FRY: variants seen among roughly 807,000 people sequenced by gnomAD.
FRY encodes protein furry homolog.
FRY carries 128 observed loss-of-function variants against 348.4 expected under a neutral mutation model. The ratio of observed to expected loss-of-function variants is 0.37; its 90% confidence interval spans 0.32 to 0.43. The LOEUF (loss-of-function observed/expected upper bound fraction) is 0.43. FRY is among the 20% of genes least tolerant of loss of function. The probability of loss-of-function intolerance (pLI) is 1.00; values close to 1 mark genes in which losing one functional copy is unlikely to be tolerated. For missense variants in FRY, 2,736 were observed against 3,695.2 expected, an observed-to-expected ratio of 0.74 and a Z score of 6.73; for synonymous variants, 1,370 against 1,374.7, an observed-to-expected ratio of 1.00 and a Z score of 0.08.
chr13:32,112,616 C>T (rs1023276694), intron 3 of FRY, among the ~76,000 whole-genome samples: 66 of 152,290 alleles, frequency 4.3e-4, no homozygotes, highest in African/African-American at 1.4e-3. Flanking sequence ...GTGTCATATC[C>T]GTGAATTGCA....
chr13:32,172,883 G>A (rs569964350), intron 18 of FRY, among the ~76,000 whole-genome samples: 1 of 152,344 alleles, frequency 6.6e-6, no homozygotes, highest in South Asian at 2.1e-4. Context: ...CTTGGTTGGG[G>A]ATTGGGAACT....
At chr13:32,037,323 G>A (rs1187722267) in intron 1 of FRY, among the ~76,000 whole-genome samples, 1 of 152,166 alleles carries the variant, frequency 6.6e-6, no homozygotes, top group African/African-American at 2.4e-5. Context: ...ACTTTAGAAT[G>A]GTAGTTTGCT....
intron 1 of FRY, among the ~76,000 whole-genome samples, chr13:32,063,563 C>G (rs146939666): frequency 0.026 from 3,997 of 152,276 alleles, 61 homozygotes; most frequent in Middle Eastern, 0.068. Flanking sequence ...CAGTGCTTCC[C>G]TCCTCACTGT....
intron 55 of FRY, among the ~76,000 whole-genome samples, chr13:32,268,499 AAAAAAAATATAT>A (rs1342461108): frequency 6.5e-3 from 104 of 15,972 alleles, no homozygotes; most frequent in Middle Eastern, 0.045. Flanking sequence ...AAAAAAAAAA[AAAAAAAATATAT>A]ATATATATAT....
chr13:32,294,628 C>CT, intron 60 of FRY, 58 bp downstream of exon 60: 1 of 1,315,694 alleles, frequency 7.6e-7, no homozygotes, highest in South Asian at 1.2e-5. Context: ...GGTTGTTACT[C>CT]TGTCATGGTT....
At chr13:32,290,777 G>A (rs1889301177) in intron 59 of FRY, among the ~76,000 whole-genome samples, 1 of 151,642 alleles carries the variant, frequency 6.6e-6, no homozygotes, top group Non-Finnish European at 1.5e-5. Context: ...AGAGGAGGAA[G>A]GAAATGTGAG....
intron 1 of FRY, among the ~76,000 whole-genome samples, chr13:32,035,838 GT>G (rs1872485481): frequency 6.6e-6 from 1 of 152,212 alleles, no homozygotes; most frequent in African/African-American, 2.4e-5. Context: ...CAGTAGGAAG[GT>G]GTTGGTGTGC....
At position 32,179,689 on chromosome 13, in the gene FRY, A is replaced by G; in HGVS notation, c.2886A>G (p.Pro962=). The G allele has an allele frequency of 6.2e-7, 1 of 1,614,036 alleles. No homozygotes were observed. Reference sequence around the variant, plus strand: ...ACTTATTTCAGGCCATAGGCACCCCATCGGTGGGAGTTCTGTTAAAGCAGT... The same window carrying G: ...ACTTATTTCAGGCCATAGGCACCCCGTCGGTGGGAGTTCTGTTAAAGCAGT... ...VSYDNKAIGT[P]SVGVLLKQLV... is the part of the protein sequence containing the mutation. The change falls in exon 23 of 61, where the codon CCA becomes CCG. Residue 962 remains proline, a synonymous_variant. Coordinates refer to ENST00000542859, the MANE Select transcript of FRY (RefSeq NM_023037.3).
At chr13:32,233,093 T>C (rs1317881526) in intron 41 of FRY, among the ~76,000 whole-genome samples, 1 of 152,176 alleles carries the variant, frequency 6.6e-6, no homozygotes, top group African/African-American at 2.4e-5. Context: ...ATTCATAAGA[T>C]ACGAGCAGCC....
intron 1 of FRY, among the ~76,000 whole-genome samples, chr13:32,062,260 G>A (rs998893189): frequency 6.6e-6 from 1 of 151,482 alleles, no homozygotes; most frequent in African/African-American, 2.4e-5. Flanking sequence ...TTTGGAAAAG[G>A]TTGCATCATT....
chr13:32,238,572 C>T (rs978089079), intron 44 of FRY, among the ~76,000 whole-genome samples: 3 of 152,116 alleles, frequency 2.0e-5, no homozygotes, highest in Non-Finnish European at 4.4e-5. Context: ...CTGCCTCAGC[C>T]TCCGGAGTAG....
At chr13:32,095,744 A>G (rs1287654020) in intron 2 of FRY, among the ~76,000 whole-genome samples, 1 of 152,134 alleles carries the variant, frequency 6.6e-6, no homozygotes, top group Non-Finnish European at 1.5e-5. Context: ...GCCCAGACCA[A>G]TGTCCTGGAG....
intron 4 of FRY, among the ~76,000 whole-genome samples, chr13:32,123,398 C>G (rs1445596012): frequency 1.3e-5 from 2 of 152,354 alleles, no homozygotes; most frequent in East Asian, 3.9e-4. Flanking sequence ...TTACTCTTCT[C>G]TCTCACCACC....
Position 32,078,955 on chromosome 13 carries a change from A to C in FRY, c.192A>C (p.Glu64Asp), listed in dbSNP as rs770385742. The stretch of plus-strand genomic sequence containing the variant: ...TGGACCCAGACAGTAAACCAGGAGA[A>C]TATGTCCTCAAAAGTTTATTTGTCA... The part of the protein sequence containing the change: ...INVDPDSKPG[E>D]YVLKSLFVNF... The change falls in exon 2 of 61, where the codon GAA becomes GAC. Residue 64 changes from glutamate to aspartate, a missense_variant. Physicochemically the swap from Glu to Asp is conservative, Grantham distance 45 (BLOSUM62 2). Coordinates refer to ENST00000542859, the MANE Select transcript of FRY (RefSeq NM_023037.3). The C allele has an allele frequency of 6.2e-7, 1 of 1,613,902 alleles. No homozygotes were observed. Among genetic ancestry groups the C allele is most frequent in the Admixed American group, 1.7e-5 (1 of 60,024 alleles).
chr13:32,268,206 A>G (rs549888956), intron 55 of FRY, among the ~76,000 whole-genome samples: 1 of 152,168 alleles, frequency 6.6e-6, no homozygotes, highest in Non-Finnish European at 1.5e-5. Flanking sequence ...TCCTCTATGC[A>G]TCTTTCTGTA....
At chr13:32,214,278 C>T (rs1394517337) in intron 35 of FRY, among the ~76,000 whole-genome samples, 1 of 152,178 alleles carries the variant, frequency 6.6e-6, no homozygotes, top group Non-Finnish European at 1.5e-5. Flanking sequence ...TACAGACACA[C>T]TTAACCACCA....
At chr13:32,210,392 A>T (rs1450361831) in intron 33 of FRY, among the ~76,000 whole-genome samples, 1 of 152,218 alleles carries the variant, frequency 6.6e-6, no homozygotes, top group African/African-American at 2.4e-5. Context: ...TGAGGCCTGC[A>T]ATAATGTGGA....
intron 36 of FRY, among the ~76,000 whole-genome samples, chr13:32,221,901 T>C (rs1051009108): frequency 2.0e-5 from 3 of 152,012 alleles, no homozygotes; most frequent in Non-Finnish European, 4.4e-5. Flanking sequence ...CCATTGTAGG[T>C]AGTAGGGAGA....
At chr13:32,143,862 C>G (rs1259409088) in intron 11 of FRY, among the ~76,000 whole-genome samples, 15 of 152,102 alleles carry the variant, frequency 9.9e-5, no homozygotes. Flanking sequence ...ACTTAACTCT[C>G]ATACATTCCT....
Sources: allele counts gnomAD v4.1 joint callset (sites outside exome capture counted in the v4.1 genomes callset), GRCh38; gene constraint gnomAD v4.1.1; transcripts MANE v1.5; gene names NCBI Gene and HGNC (gene_info 2026-07-23, HGNC 2026-07-21).